Variants in TRPC4 observed in about 807,000 individuals in gnomAD.
TRPC4 encodes the protein short transient receptor potential channel 4.
A neutral mutation model predicts 99.4 loss-of-function variants in TRPC4; 49 were observed. The observed-to-expected ratio is 0.49, with a 90% CI of 0.39 to 0.63. TRPC4 has a LOEUF of 0.63. Ranked by LOEUF, TRPC4 falls within the 20% of genes least tolerant of loss-of-function variation. The pLI is 0.00. For synonymous variants in TRPC4, 454 were observed against 425.9 expected, an observed-to-expected ratio of 1.07 and a Z score of -0.81; for missense variants, 898 against 1,152.9, an observed-to-expected ratio of 0.78 and a Z score of 3.20.
intron 4 of TRPC4, among the ~76,000 whole-genome samples, chr13:37,689,728 T>C (rs1010662271): frequency 1.3e-5 from 2 of 152,234 alleles, no homozygotes; most frequent in African/African-American, 4.8e-5. Flanking sequence ...AAGCTTGGTG[T>C]GTAGCAGGCA....
intron 6 of TRPC4, among the ~76,000 whole-genome samples, chr13:37,661,218 G>A (rs571500598): frequency 6.6e-6 from 1 of 152,248 alleles, no homozygotes; most frequent in South Asian, 2.1e-4. Flanking sequence ...CAGTATATTT[G>A]ATTTTGGAAT....
At chr13:37,684,361 CA>C (rs915297808) in intron 4 of TRPC4, among the ~76,000 whole-genome samples, 3 of 152,082 alleles carry the variant, frequency 2.0e-5, no homozygotes. Flanking sequence ...AGGAAGTACA[CA>C]TTTTTAAGTT....
At chr13:37,800,519 G>A (rs1418559304) in intron 1 of TRPC4, among the ~76,000 whole-genome samples, 2 of 152,070 alleles carry the variant, frequency 1.3e-5, no homozygotes, top group Admixed American at 6.6e-5. Flanking sequence ...TTAGTATTTA[G>A]TTGTTTCAGC....
intron 3 of TRPC4, among the ~76,000 whole-genome samples, chr13:37,729,294 G>A (rs916690671): frequency 2.0e-5 from 3 of 152,126 alleles, no homozygotes; most frequent in Non-Finnish European, 2.9e-5. Flanking sequence ...CCTCACACTC[G>A]TTAGGATGGC....
chr13:37,722,603 T>C (rs1040981239), intron 3 of TRPC4, among the ~76,000 whole-genome samples: 5 of 152,198 alleles, frequency 3.3e-5, no homozygotes, highest in Non-Finnish European at 5.9e-5. Context: ...TTTTCTATAA[T>C]GTTTTCATAC....
chr13:37,755,332 A>T (rs1309236174), intron 2 of TRPC4, among the ~76,000 whole-genome samples: 3 of 150,882 alleles, frequency 2.0e-5, no homozygotes, highest in Admixed American at 1.3e-4. Context: ...TGACATGAAC[A>T]CCAATCACCT....
At chr13:37,830,541 C>T (rs12872351) in intron 1 of TRPC4, among the ~76,000 whole-genome samples, 30,314 of 151,094 alleles carry the variant, frequency 0.2, 3,166 homozygotes, top group African/African-American at 0.22. Flanking sequence ...GGTGAAACCC[C>T]GTCTCTACTA....
intron 3 of TRPC4, among the ~76,000 whole-genome samples, chr13:37,704,209 T>C (rs748577206): frequency 1.8e-4 from 27 of 152,024 alleles, no homozygotes; most frequent in Non-Finnish European, 3.8e-4. Context: ...TACGGGGGAA[T>C]GGGGAGGGTG....
chr13:37,689,531 T>G (rs1197257729), intron 4 of TRPC4, among the ~76,000 whole-genome samples: 2 of 152,212 alleles, frequency 1.3e-5, no homozygotes, highest in African/African-American at 4.8e-5. Flanking sequence ...GAAATCTCTT[T>G]TCATCCTAAA....
At chr13:37,838,684 T>C (rs1298670442) in intron 1 of TRPC4, among the ~76,000 whole-genome samples, 1 of 152,214 alleles carries the variant, frequency 6.6e-6, no homozygotes, top group Non-Finnish European at 1.5e-5. Context: ...TTGCCCTGAC[T>C]CTAATCAATA....
intron 2 of TRPC4, among the ~76,000 whole-genome samples, chr13:37,752,292 T>C (rs1250057032): frequency 2.0e-5 from 3 of 151,782 alleles, no homozygotes; most frequent in Non-Finnish European, 4.4e-5. Context: ...ACTGTTCTTT[T>C]GGAAGCGTTA....
chr13:37,787,577 A>G (rs1181630612), intron 1 of TRPC4, among the ~76,000 whole-genome samples: 1 of 152,066 alleles, frequency 6.6e-6, no homozygotes, highest in African/African-American at 2.4e-5. Context: ...CAAGTGTTAC[A>G]TAAAAAATAT....
chr13:37,847,653 A>G (rs1343054205), intron 1 of TRPC4, among the ~76,000 whole-genome samples: 1 of 152,106 alleles, frequency 6.6e-6, no homozygotes, highest in Non-Finnish European at 1.5e-5. Flanking sequence ...TGCCTCAATG[A>G]TTAATGAAAA....
At chr13:37,664,036 T>C (rs1450853209) in intron 5 of TRPC4, among the ~76,000 whole-genome samples, 2 of 152,330 alleles carry the variant, frequency 1.3e-5, no homozygotes, top group South Asian at 2.1e-4. Flanking sequence ...GTCCCGGCAG[T>C]TGCTGAATTG....
chr13:37,839,617 C>G (rs907707878), intron 1 of TRPC4, among the ~76,000 whole-genome samples: 3 of 151,950 alleles, frequency 2.0e-5, no homozygotes, highest in African/African-American at 7.3e-5. Context: ...TATATCTTAC[C>G]AACTGCACTG....
chr13:37,799,552 TA>T (rs1352875065), intron 1 of TRPC4, among the ~76,000 whole-genome samples: 4 of 152,106 alleles, frequency 2.6e-5, no homozygotes, highest in Admixed American at 1.3e-4. Flanking sequence ...TTCTCATATG[TA>T]AAAAAGGGAT....
At chr13:37,643,312 C>G (rs1263356804) in intron 8 of TRPC4, among the ~76,000 whole-genome samples, 1 of 152,184 alleles carries the variant, frequency 6.6e-6, no homozygotes, top group Non-Finnish European at 1.5e-5. Context: ...ATAAAGCACA[C>G]TTTTGCCCTT....
At position 37,749,824 on chromosome 13, in the gene TRPC4, C is replaced by A. The variant is rs148450877; in HGVS notation, c.379-3369G>T. On this transcript the variant is annotated intron_variant, in intron 2 of 10. Transcript: ENST00000379705. ...AATATATTGTGATTCATTGCTATCA[C>A]TATTCGTTTTATACTTGTTATTAAA... 8.8e-3 allele frequency among the ~76,000 whole-genome samples: 1,338 copies of A among 152,154 alleles called. 22 individuals are homozygous for A. The highest frequency in any genetic ancestry group is 0.03 in the African/African-American group (1,238 of 41,538).
chr13:37,853,050 G>A (rs1959098451), intron 1 of TRPC4, among the ~76,000 whole-genome samples: 3 of 151,894 alleles, frequency 2.0e-5, no homozygotes, highest in South Asian at 4.2e-4. Flanking sequence ...ACTGCCCTGG[G>A]GAAAAGAATA....
Sources: gnomAD v4.1 joint callset for allele counts (sites outside exome capture counted in the v4.1 genomes callset) on GRCh38, gnomAD v4.1.1 for gene constraint, MANE v1.5 for transcripts, NCBI Gene and HGNC (gene_info 2026-07-23, HGNC 2026-07-21) for gene names.